KMT2C: variants seen among roughly 807,000 people sequenced by gnomAD.
The protein encoded by KMT2C is lysine methyltransferase 2C.
In KMT2C, 88 loss-of-function variants were observed where a neutral mutation model predicts 507.9. The observed-to-expected ratio is 0.17, with a 90% CI of 0.15 to 0.21. The LOEUF (loss-of-function observed/expected upper bound fraction) is 0.21. Ranked by LOEUF, KMT2C falls within the 10% of genes least tolerant of loss-of-function variation. The probability of loss-of-function intolerance (pLI) is 1.00; values close to 1 mark genes in which losing one functional copy is unlikely to be tolerated. For missense variants in KMT2C, 4,954 were observed against 5,957.8 expected, an observed-to-expected ratio of 0.83 and a Z score of 5.55; for synonymous variants, 2,049 against 2,080.8, an observed-to-expected ratio of 0.98 and a Z score of 0.42.
chr7:152,148,870 T>C lies in KMT2C; in HGVS notation c.13057A>G (p.Arg4353Gly), dbSNP rs1370499218. 6.2e-7 allele frequency: 1 copy of C among 1,614,108 alleles called. No individual in the cohort carries two copies. The highest frequency in any genetic ancestry group is 1.3e-5 in the African/African-American group (1 of 74,930). The change falls in exon 52 of 59, where the codon AGA (arginine) becomes GGA (glycine). Residue 4353 changes from arginine to glycine, a missense_variant. Physicochemically the swap from Arg to Gly is moderately radical, Grantham distance 125. Transcript: ENST00000262189. This position sits in a 1 kb window ranked among gnomAD's most constrained non-coding sequence, Gnocchi z 7.1. ...CTCCACTTCTTCCATTTCATTCCTC[T>C]CCATTTTTTATTGAGCGGCCTGCAA... ...EDCRPLNKKW[R>G]GMKWKKWSIH...
At chr7:152,178,377 C>A (rs1015716858) in intron 37 of KMT2C, among the ~76,000 whole-genome samples, 2 of 151,960 alleles carry the variant, frequency 1.3e-5, no homozygotes, top group Non-Finnish European at 2.9e-5. Flanking sequence ...TAGGGAGGTT[C>A]GATGGAGGAA....
intron 55 of KMT2C, among the ~76,000 whole-genome samples, chr7:152,141,926 G>T (rs912701209): frequency 1.3e-5 from 2 of 152,046 alleles, no homozygotes; most frequent in Admixed American, 1.3e-4. Flanking sequence ...GGAGGCTGAG[G>T]TAAGAGGATC....
At chr7:152,193,484 C>G (rs2093867861) in intron 31 of KMT2C, among the ~76,000 whole-genome samples, 1 of 152,116 alleles carries the variant, frequency 6.6e-6, no homozygotes, top group Non-Finnish European at 1.5e-5. Context: ...GGCATATAAG[C>G]AAGACATGGA....
intron 6 of KMT2C, among the ~76,000 whole-genome samples, chr7:152,281,320 T>C (rs901911827): frequency 1.3e-5 from 2 of 152,170 alleles, no homozygotes; most frequent in African/African-American, 4.8e-5. Context: ...GGATAGTTTA[T>C]AGAATTTCAT....
Position 152,181,820 on chromosome 7 carries a change from C to A in KMT2C, c.6040G>T (p.Ala2014Ser), listed in dbSNP as rs776553378. The A allele has an allele frequency of 6.2e-7, 1 of 1,614,062 alleles. No homozygotes were observed. Among genetic ancestry groups the A allele is most frequent in the Non-Finnish European group, 8.5e-7 (1 of 1,180,014 alleles). ...SDHFTKPSPR[A>S]DVFQRQRIPD... ...ATCCTTTGTCTTTGAAACACATCTG[C>A]CCTAGGAGATGGTTTAGTAAAGTGA... Residue 2014 changes from alanine (A) to serine (S), a missense_variant, in exon 36 of 59, where the codon GCA becomes TCA. Physicochemically the swap from Ala to Ser is moderately conservative, Grantham distance 99. Coordinates refer to ENST00000262189, the MANE Select transcript of KMT2C (RefSeq NM_170606.3).
At chr7:152,303,317 A>G (rs1262426349) in intron 6 of KMT2C, among the ~76,000 whole-genome samples, 2 of 152,208 alleles carry the variant, frequency 1.3e-5, no homozygotes, top group African/African-American at 2.4e-5. Context: ...CCTCAGCACT[A>G]TCGGCATTTT....
chr7:152,169,257 A>G lies in KMT2C; in HGVS notation c.9454-8T>C, dbSNP rs2092855829. The G allele has an allele frequency of 6.4e-7, 1 of 1,551,834 alleles. No homozygotes were observed. On this transcript the variant is annotated splice_polypyrimidine_tract_variant and splice_region_variant and intron_variant, in intron 40 of 58. Coordinates refer to ENST00000262189, the MANE Select transcript of KMT2C (RefSeq NM_170606.3). ...ATGTGTTATACTGCCATCCTAAAATAAGTAAAATTTACAAATATGTTTATT... is the reference window on the plus strand; with the variant it reads ...ATGTGTTATACTGCCATCCTAAAATGAGTAAAATTTACAAATATGTTTATT...
At chr7:152,350,106 T>C (rs1398481097) in intron 2 of KMT2C, among the ~76,000 whole-genome samples, 1 of 151,814 alleles carries the variant, frequency 6.6e-6, no homozygotes, top group Non-Finnish European at 1.5e-5. Flanking sequence ...CAAAATCAGC[T>C]GGGCGTGGTG....
intron 37 of KMT2C, 111 bp from the exon 38 acceptor site, chr7:152,178,121 T>G (rs2093294498): frequency 1.8e-6 from 2 of 1,113,290 alleles, no homozygotes; most frequent in South Asian, 5.7e-5. Flanking sequence ...TACAAAATGT[T>G]GCCAAATACT....
chr7:152,257,735 T>C (rs2095684542), intron 9 of KMT2C, among the ~76,000 whole-genome samples: 1 of 152,118 alleles, frequency 6.6e-6, no homozygotes, highest in South Asian at 2.1e-4. Flanking sequence ...AATATTTATG[T>C]GTATATACGT....
rs149250254 is a variant in KMT2C, at chr7:152,252,671, C to G, written c.1344G>C (p.Gln448His). ...CIECGTRSSS[Q>H]WHHNCLICDN... ...CACATATCAGGCAATTGTGGTGCCA[C>G]TGAGAACTAGACCGTGTGCCACACT... The change falls in exon 10 of 59, where the codon CAG (glutamine) becomes CAC (histidine). Residue 448 changes from glutamine (Q) to histidine (H), a missense_variant. Around this residue, in one of 29 missense-constraint regions of KMT2C, gnomAD observed 376 missense variants for 352.4 expected, o/e 1.07. Transcript: ENST00000262189. 1 of 1,613,512 alleles carries G rather than the reference C, an allele frequency of 6.2e-7. No individual in the cohort carries two copies. Among genetic ancestry groups the G allele is most frequent in the African/African-American group, 1.3e-5 (1 of 74,920 alleles).
chr7:152,208,177 A>C (rs577608768), intron 23 of KMT2C, among the ~76,000 whole-genome samples: 1 of 152,296 alleles, frequency 6.6e-6, no homozygotes, highest in Admixed American at 6.5e-5. Context: ...CAATGCCCTC[A>C]AAATAAACTT....
chr7:152,359,590 C>T (rs939250358), intron 1 of KMT2C, among the ~76,000 whole-genome samples: 3 of 150,732 alleles, frequency 2.0e-5, no homozygotes, highest in Non-Finnish European at 4.4e-5. Flanking sequence ...GCCATCATGG[C>T]GAAACCCCAT....
intron 38 of KMT2C, among the ~76,000 whole-genome samples, chr7:152,175,466 C>T (rs1257410080): frequency 6.9e-6 from 1 of 145,198 alleles, no homozygotes; most frequent in Non-Finnish European, 1.5e-5. Context: ...TATCCGTCCC[C>T]TAGCCCCCCA....
intron 1 of KMT2C, among the ~76,000 whole-genome samples, chr7:152,365,504 TCAAA>T (rs112555469): frequency 0.013 from 1,965 of 152,200 alleles, 19 homozygotes; most frequent in Non-Finnish European, 0.019. Context: ...AGACCCTGTC[TCAAA>T]CAAACAAACA....
intron 1 of KMT2C, among the ~76,000 whole-genome samples, chr7:152,389,780 AGTGGG>A (rs2097474939): frequency 6.6e-6 from 1 of 152,136 alleles, no homozygotes; most frequent in African/African-American, 2.4e-5. Flanking sequence ...TTATGTGAAT[AGTGGG>A]ATTACAGACA....
intron 6 of KMT2C, among the ~76,000 whole-genome samples, chr7:152,298,444 A>T (rs932367820): frequency 1.3e-5 from 2 of 152,242 alleles, no homozygotes; most frequent in Non-Finnish European, 2.9e-5. Context: ...GATAAGAACA[A>T]CATCAGATTT....
chr7:152,363,615 T>G (rs892952046), intron 1 of KMT2C, among the ~76,000 whole-genome samples: 5 of 152,170 alleles, frequency 3.3e-5, no homozygotes, highest in African/African-American at 1.2e-4. Flanking sequence ...ACAGGCTTTC[T>G]GCTTGGCATT....
At chr7:152,359,596 C>G (rs2097179551) in intron 1 of KMT2C, among the ~76,000 whole-genome samples, 1 of 150,736 alleles carries the variant, frequency 6.6e-6, no homozygotes. Context: ...ATGGCGAAAC[C>G]CCATCTCTAC....
Sources: allele counts gnomAD v4.1 joint callset (sites outside exome capture counted in the v4.1 genomes callset), GRCh38; gene constraint gnomAD v4.1.1; regional missense constraint gnomAD v4.1.1; non-coding constraint Gnocchi (gnomAD v3.1); transcripts MANE v1.5; gene names NCBI Gene and HGNC (gene_info 2026-07-23, HGNC 2026-07-21).